Variants in ASIC2 observed in about 807,000 individuals in gnomAD.
ASIC2 encodes acid-sensing ion channel 2.
In ASIC2, 25 loss-of-function variants were observed where a neutral mutation model predicts 57.3. The observed-to-expected ratio is 0.44, with a 90% CI of 0.32 to 0.61. ASIC2 has a LOEUF of 0.61. Among genes scored for constraint, ASIC2 ranks in the 20% least tolerant of loss-of-function variants. ASIC2 has a pLI of 0.06. For missense variants in ASIC2, 641 were observed against 738.1 expected (o/e 0.87, Z 1.52); for synonymous variants, 319 against 307.5 (o/e 1.04, Z -0.39).
At chr17:33,608,056 G>A (rs563872288) in intron 1 of ASIC2, among the ~76,000 whole-genome samples, 1 of 152,264 alleles carries the variant, frequency 6.6e-6, no homozygotes, top group Admixed American at 6.5e-5. Flanking sequence ...TCAACAGGTG[G>A]AAGTTATAGG....
At chr17:33,018,407 G>C (rs867049893) in intron 7 of ASIC2, among the ~76,000 whole-genome samples, 1 of 152,232 alleles carries the variant, frequency 6.6e-6, no homozygotes, top group Non-Finnish European at 1.5e-5. Flanking sequence ...GTTCCCGCTG[G>C]GGGTAAGGTG....
chr17:33,541,893 A>G (rs1915422933), intron 1 of ASIC2, among the ~76,000 whole-genome samples: 1 of 152,168 alleles, frequency 6.6e-6, no homozygotes, highest in East Asian at 1.9e-4. Flanking sequence ...CCACTGGACA[A>G]GAGTTTGGGA....
Position 33,521,040 on chromosome 17 carries a change from AT to A in ASIC2, c.556-408974del. ...GCAGCCAGGAGTCTGAATAATAATA[AT>A]TATTATTATTATTTCATAACAGGCA... is the stretch of plus-strand genomic sequence containing the variant. On this transcript the variant is annotated intron_variant, in intron 1 of 9. Transcript: ENST00000359872. 2.0e-5 allele frequency among the ~76,000 whole-genome samples: 3 copies of A among 152,046 alleles called. No homozygotes were observed. In the South Asian group the frequency reaches 6.2e-4, roughly 32 times the overall value.
At chr17:33,411,044 G>A (rs1021789709) in intron 1 of ASIC2, among the ~76,000 whole-genome samples, 10 of 152,234 alleles carry the variant, frequency 6.6e-5, no homozygotes, top group Non-Finnish European at 7.3e-5. Context: ...GCAAAAGAAA[G>A]TGAAAGCATG....
chr17:33,642,377 G>T (rs1906600503), intron 1 of ASIC2, among the ~76,000 whole-genome samples: 1 of 152,194 alleles, frequency 6.6e-6, no homozygotes, highest in African/African-American at 2.4e-5. Flanking sequence ...TTGCAGCAAA[G>T]GGCCCTTGAG....
intron 1 of ASIC2, among the ~76,000 whole-genome samples, chr17:33,626,217 C>G (rs532045757): frequency 2.0e-5 from 3 of 152,090 alleles, no homozygotes; most frequent in African/African-American, 7.2e-5. Flanking sequence ...TTAAGAATGG[C>G]TGGTAATTTA....
At chr17:34,003,131 C>T (rs1238831706) in intron 1 of ASIC2, 1 of 152,124 alleles carries the variant, frequency 6.6e-6, no homozygotes, top group Non-Finnish European at 1.5e-5. Flanking sequence ...AGTTGAGAAG[C>T]CATGGAATCC....
intron 1 of ASIC2, among the ~76,000 whole-genome samples, chr17:33,849,342 T>C (rs1289659611): frequency 6.6e-6 from 1 of 152,144 alleles, no homozygotes; most frequent in Non-Finnish European, 1.5e-5. Flanking sequence ...ACTGCAGTCT[T>C]AACTGAGCCT....
chr17:33,767,662 T>G (rs973246172), intron 1 of ASIC2, among the ~76,000 whole-genome samples: 3 of 152,222 alleles, frequency 2.0e-5, no homozygotes, highest in Non-Finnish European at 4.4e-5. Context: ...TAAAGTAAAG[T>G]TTCTATCTGA....
At chr17:33,712,636 CTTTTTTTTTTT>C (rs60673332) in intron 1 of ASIC2, among the ~76,000 whole-genome samples, 1 of 63,592 alleles carries the variant, frequency 1.6e-5, no homozygotes, top group South Asian at 7.4e-4. Flanking sequence ...ACTCATATGG[CTTTTTTTTTTT>C]TTTTTTTTTT....
chr17:33,870,060 C>T (rs1914352503), intron 1 of ASIC2, among the ~76,000 whole-genome samples: 1 of 152,022 alleles, frequency 6.6e-6, no homozygotes, highest in Admixed American at 6.6e-5. Context: ...GCATCTCTTG[C>T]TCTGATGGAG....
rs568243897 is a variant in ASIC2, at chr17:33,671,545, A to T, written c.555+484433T>A. Among the ~76,000 whole-genome samples the T allele has an allele frequency of 2.8e-4, 42 of 152,300 alleles. 2 individuals are homozygous for T. The South Asian group carries it at 5.8e-3, about 21-fold the overall frequency. On this transcript the variant is annotated intron_variant, in intron 1 of 9. Transcript: ENST00000359872. ...ATATGGGAAAGACAAGGAAGGAGGG[A>T]GAAGTGGACTATTTAGTGTTCTCCT... is the stretch of plus-strand genomic sequence containing the variant.
intron 1 of ASIC2, among the ~76,000 whole-genome samples, chr17:33,430,321 C>T (rs1386759577): frequency 2.0e-5 from 3 of 152,036 alleles, no homozygotes; most frequent in Non-Finnish European, 2.9e-5. Flanking sequence ...AAGGTAGAAA[C>T]CCAAATGCTC....
At chr17:34,052,833 G>A (rs185581943) in intron 1 of ASIC2, among the ~76,000 whole-genome samples, 1 of 151,794 alleles carries the variant, frequency 6.6e-6, no homozygotes, top group Non-Finnish European at 1.5e-5. Flanking sequence ...TGGCCAGGCT[G>A]GTCTCAAACT....
intron 1 of ASIC2, among the ~76,000 whole-genome samples, chr17:33,268,459 G>A (rs1011838353): frequency 2.6e-5 from 4 of 151,964 alleles, no homozygotes; most frequent in African/African-American, 9.7e-5. Flanking sequence ...GTATTGAGGA[G>A]CAGTAGGAAA....
intron 1 of ASIC2, among the ~76,000 whole-genome samples, chr17:33,835,331 G>T (rs865923299): frequency 6.6e-6 from 1 of 152,168 alleles, no homozygotes; most frequent in Non-Finnish European, 1.5e-5. Context: ...CACATGAATT[G>T]CTCATTCCAG....
intron 1 of ASIC2, among the ~76,000 whole-genome samples, chr17:33,904,163 CAAAAAAAAAAAAA>C (rs769795292): frequency 3.6e-5 from 2 of 55,856 alleles, no homozygotes; most frequent in Admixed American, 5.5e-4. Context: ...AACTCCGTCT[CAAAAAAAAAAAAA>C]AAAAAAAAAA....
At chr17:33,938,160 G>C (rs1167424161) in intron 1 of ASIC2, among the ~76,000 whole-genome samples, 1 of 152,254 alleles carries the variant, frequency 6.6e-6, no homozygotes, top group East Asian at 1.9e-4. Flanking sequence ...TTTCCTCCCT[G>C]TGTTATGCCA....
chr17:33,516,325 C>T (rs951200260), intron 1 of ASIC2, among the ~76,000 whole-genome samples: 2 of 151,356 alleles, frequency 1.3e-5, no homozygotes, highest in East Asian at 1.9e-4. Context: ...TTAATCACAG[C>T]GTATGAGTGT....
Sources: allele counts gnomAD v4.1 joint callset (sites outside exome capture counted in the v4.1 genomes callset), GRCh38; gene constraint gnomAD v4.1.1; transcripts MANE v1.5; gene names NCBI Gene and HGNC (gene_info 2026-07-23, HGNC 2026-07-21).